TECRL: variants seen among roughly 807,000 people sequenced by gnomAD.
TECRL encodes trans-2,3-enoyl-CoA reductase-like.
Under a neutral mutation model 52.8 loss-of-function variants are expected in TECRL, and 63 were observed. That is an observed-to-expected ratio of 1.19 (90% confidence interval 0.97 to 1.47). The LOEUF (loss-of-function observed/expected upper bound fraction) is 1.47, where lower values mean the gene tolerates loss of function less well. Among genes scored for constraint, TECRL ranks in the 40% most tolerant of loss-of-function variants. TECRL has a pLI of 0.00. For missense variants in TECRL, 482 were observed against 429.6 expected (o/e 1.12, Z -1.08); for synonymous variants, 164 against 141.9 (o/e 1.16, Z -1.10).
intron 2 of TECRL, among the ~76,000 whole-genome samples, chr4:64,356,774 C>T (rs7698711): frequency 0.23 from 34,582 of 152,008 alleles, 4,068 homozygotes; most frequent in Middle Eastern, 0.31. Context: ...ATTTTTCTTT[C>T]TCCATACTTT....
chr4:64,367,621 A>T (rs190430976), intron 2 of TECRL, among the ~76,000 whole-genome samples: 1 of 151,178 alleles, frequency 6.6e-6, no homozygotes, highest in African/African-American at 2.4e-5. Flanking sequence ...CACACTGAGT[A>T]GTCAATTTTT....
chr4:64,343,351 T>A (rs1476039997), intron 2 of TECRL, among the ~76,000 whole-genome samples: 1 of 152,096 alleles, frequency 6.6e-6, no homozygotes, highest in Admixed American at 6.5e-5. Context: ...TATAAACAAT[T>A]GTAAATTCCA....
chr4:64,334,663 A>G (rs1718915250), intron 2 of TECRL, among the ~76,000 whole-genome samples: 1 of 152,204 alleles, frequency 6.6e-6, no homozygotes, highest in African/African-American at 2.4e-5. Context: ...AAAAGTTTCT[A>G]TAGGAAAACA....
intron 2 of TECRL, among the ~76,000 whole-genome samples, chr4:64,356,511 T>C (rs1456241249): frequency 1.3e-5 from 2 of 152,162 alleles, no homozygotes; most frequent in African/African-American, 4.8e-5. Flanking sequence ...TTTACTCCAC[T>C]GAGATGTTTA....
intron 4 of TECRL, among the ~76,000 whole-genome samples, chr4:64,321,648 T>C (rs73228581): frequency 0.025 from 3,759 of 152,304 alleles, 171 homozygotes; most frequent in African/African-American, 0.085. Flanking sequence ...TTTATTCTAT[T>C]ACCCATGAGT....
At chr4:64,385,123 C>A (rs74393827) in intron 1 of TECRL, among the ~76,000 whole-genome samples, 1 of 152,112 alleles carries the variant, frequency 6.6e-6, no homozygotes, top group African/African-American at 2.4e-5. Context: ...AGTTCCTGCA[C>A]AATCCTCATA....
chr4:64,356,516 T>A (rs1214135297), intron 2 of TECRL, among the ~76,000 whole-genome samples: 1 of 152,168 alleles, frequency 6.6e-6, no homozygotes, highest in African/African-American at 2.4e-5. Flanking sequence ...TCCACTGAGA[T>A]GTTTAGGCGG....
At chr4:64,313,067 TG>T (rs1239274745) in intron 5 of TECRL, among the ~76,000 whole-genome samples, 1 of 152,178 alleles carries the variant, frequency 6.6e-6, no homozygotes, top group East Asian at 1.9e-4. Flanking sequence ...TACTCAGTCT[TG>T]GGTATTTCTT....
chr4:64,370,667 T>G (rs560631204), intron 2 of TECRL, among the ~76,000 whole-genome samples: 1 of 151,952 alleles, frequency 6.6e-6, no homozygotes, highest in Non-Finnish European at 1.5e-5. Flanking sequence ...ATTTAATCTT[T>G]AGTTATCCTA....
chr4:64,387,857 C>T (rs2109735322), intron 1 of TECRL, among the ~76,000 whole-genome samples: 1 of 151,966 alleles, frequency 6.6e-6, no homozygotes, highest in Middle Eastern at 3.4e-3. Flanking sequence ...TAGTCTTGCA[C>T]AAGTATGATA....
chr4:64,328,437 A>G (rs1038424707), intron 3 of TECRL, 75 bp downstream of exon 3: 2 of 1,263,696 alleles, frequency 1.6e-6, no homozygotes, highest in Admixed American at 1.9e-5. Context: ...GCAAAGTGAT[A>G]AGTGAATGTC....
chr4:64,359,274 G>A (rs974831748), intron 2 of TECRL, among the ~76,000 whole-genome samples: 4 of 151,662 alleles, frequency 2.6e-5, no homozygotes, highest in Non-Finnish European at 5.9e-5. Flanking sequence ...GTGTGTTTGT[G>A]GGTATATTTT....
At chr4:64,317,354 G>A (rs1184257761) in intron 4 of TECRL, among the ~76,000 whole-genome samples, 1 of 151,932 alleles carries the variant, frequency 6.6e-6, no homozygotes, top group African/African-American at 2.4e-5. Flanking sequence ...ACTGTGAATT[G>A]GTGAGAGCCC....
chr4:64,371,732 C>T (rs768465165), intron 2 of TECRL, among the ~76,000 whole-genome samples: 11 of 151,800 alleles, frequency 7.2e-5, no homozygotes, highest in South Asian at 4.1e-4. Context: ...TGTTCTGTCC[C>T]GTCATGCTTA....
chr4:64,324,423 A>T (rs904762203), intron 3 of TECRL, among the ~76,000 whole-genome samples: 1 of 152,126 alleles, frequency 6.6e-6, no homozygotes, highest in Non-Finnish European at 1.5e-5. Flanking sequence ...TATACTTAAC[A>T]TATGTTATTT....
intron 1 of TECRL, among the ~76,000 whole-genome samples, chr4:64,395,421 A>C (rs1723873913): frequency 6.6e-6 from 1 of 152,112 alleles, no homozygotes; most frequent in Admixed American, 6.6e-5. Flanking sequence ...TGAGCACAAA[A>C]CTTTAGTGAA....
chr4:64,322,913 A>G, intron 3 of TECRL, 121 bp from the exon 4 acceptor site: 1 of 715,968 alleles, frequency 1.4e-6, no homozygotes. Flanking sequence ...ATTACAATGT[A>G]CAAGAAATCT....
chr4:64,293,528 A>G (rs1460915691), intron 8 of TECRL, among the ~76,000 whole-genome samples: 1 of 152,162 alleles, frequency 6.6e-6, no homozygotes, highest in Non-Finnish European at 1.5e-5. Context: ...AAAGTTGCTC[A>G]TCTTTTACTG....
At chr4:64,382,191 GTATATATATA>G (rs200934355) in intron 1 of TECRL, among the ~76,000 whole-genome samples, 159 of 13,360 alleles carry the variant, frequency 0.012, no homozygotes, top group African/African-American at 0.018. Flanking sequence ...GGAAATTTCT[GTATATATATA>G]TATATATATA....
Sources: gnomAD v4.1 joint callset for allele counts (sites outside exome capture counted in the v4.1 genomes callset) on GRCh38, gnomAD v4.1.1 for gene constraint, MANE v1.5 for transcripts, NCBI Gene and HGNC (gene_info 2026-07-23, HGNC 2026-07-21) for gene names.